The following SLC12A7 variants were observed in gnomAD, a reference collection of about 807,000 sequenced individuals.
The protein encoded by SLC12A7 is K-Cl cotransporter 4.
In SLC12A7, 100 loss-of-function variants were observed where a neutral mutation model predicts 120.6. The ratio of observed to expected loss-of-function variants is 0.83; its 90% CI spans 0.71 to 0.98. The LOEUF is 0.98. Among genes scored for constraint, SLC12A7 ranks in the 50% least tolerant of loss-of-function variants. The probability of loss-of-function intolerance (pLI) is 0.00; values close to 1 mark genes in which losing one functional copy is unlikely to be tolerated. For synonymous variants in SLC12A7, 760 were observed against 678.0 expected (o/e 1.12, Z -1.88); for missense variants, 1,373 against 1,548.1 (o/e 0.89, Z 1.90).
the SLC12A7 span, among the ~76,000 whole-genome samples, chr5:1,122,412 A>G: frequency 4.6e-5 from 7 of 152,268 alleles, no homozygotes; most frequent in Non-Finnish European, 1.0e-4. Flanking sequence ...ACCAGCTCAG[A>G]TAACTGGTAA....
intron 1 of SLC12A7, among the ~76,000 whole-genome samples, chr5:1,095,328 C>A (rs1477788300): frequency 6.6e-6 from 1 of 152,226 alleles, no homozygotes; most frequent in Non-Finnish European, 1.5e-5. Context: ...ACTGCAGAGA[C>A]CACAGCCTGC....
the SLC12A7 span, among the ~76,000 whole-genome samples, chr5:1,135,904 G>A: frequency 6.6e-6 from 1 of 152,102 alleles, no homozygotes; most frequent in Non-Finnish European, 1.5e-5. Context: ...CGCACTCCCC[G>A]TTTCCCTCAA....
chr5:1,155,365 C>CCGT, the SLC12A7 span, among the ~76,000 whole-genome samples: 1 of 152,186 alleles, frequency 6.6e-6, no homozygotes, highest in Non-Finnish European at 1.5e-5. Context: ...CGAAGTGACC[C>CCGT]CGTCTGGACT....
chr5:1,111,600 T>C (rs1382448906), intron 1 of SLC12A7, among the ~76,000 whole-genome samples: 3 of 152,058 alleles, frequency 2.0e-5, no homozygotes, highest in Non-Finnish European at 4.4e-5. Context: ...CCCGTTTCCA[T>C]GGCTACCAGC....
chr5:1,077,415 G>A (rs367916751), intron 12 of SLC12A7, among the ~76,000 whole-genome samples: 2 of 152,192 alleles, frequency 1.3e-5, no homozygotes, highest in Admixed American at 6.5e-5. Context: ...CCATGCGGGC[G>A]TCCGTGCAAT....
At chr5:1,131,606 G>A in the SLC12A7 span, among the ~76,000 whole-genome samples, 8 of 152,286 alleles carry the variant, frequency 5.3e-5, no homozygotes, top group East Asian at 5.8e-4. Flanking sequence ...TGACCTCTCC[G>A]GGTCCCTAAC....
At chr5:1,082,420 C>T (rs1484619377) in intron 8 of SLC12A7, among the ~76,000 whole-genome samples, 15 of 127,728 alleles carry the variant, frequency 1.2e-4, no homozygotes, top group African/African-American at 4.3e-4. Context: ...TTCTGGAAAG[C>T]CTGGGCTTCC....
At chr5:1,083,535 G>C (rs1319718867) in intron 8 of SLC12A7, among the ~76,000 whole-genome samples, 1 of 152,212 alleles carries the variant, frequency 6.6e-6, no homozygotes, top group Non-Finnish European at 1.5e-5. Context: ...GACGGAGGCT[G>C]TCTCCCTGCC....
At chr5:1,096,183 A>T (rs1241967111) in intron 1 of SLC12A7, among the ~76,000 whole-genome samples, 1 of 152,192 alleles carries the variant, frequency 6.6e-6, no homozygotes, top group Non-Finnish European at 1.5e-5. Context: ...TTTAGGAAAT[A>T]CGCCTGTGAG....
chr5:1,110,960 G>A (rs1292439268), intron 1 of SLC12A7, among the ~76,000 whole-genome samples: 1 of 152,248 alleles, frequency 6.6e-6, no homozygotes, highest in African/African-American at 2.4e-5. Flanking sequence ...GAAGGATCTG[G>A]GGTCTGGCAC....
At chr5:1,092,303 G>A (rs960072026) in intron 3 of SLC12A7, among the ~76,000 whole-genome samples, 6 of 152,238 alleles carry the variant, frequency 3.9e-5, no homozygotes, top group Non-Finnish European at 8.8e-5. Flanking sequence ...CAGGGGTGGC[G>A]TCGACGCAAA....
At chr5:1,142,058 G>C in the SLC12A7 span, among the ~76,000 whole-genome samples, 7 of 152,122 alleles carry the variant, frequency 4.6e-5, no homozygotes, top group Non-Finnish European at 8.8e-5. Flanking sequence ...TCTGGTGCTA[G>C]AGGCGGGGCA....
Position 1,081,764 on chromosome 5 carries a change from C to A in SLC12A7, c.1130-20G>T. ...GGTTCTCTGCCGGGCAAGGAAGATC[C>A]CATGGGTTTCTGGCACCTTCTGTGC... On this transcript the variant is annotated intron_variant, in intron 8 of 23. Coordinates refer to ENST00000264930, the MANE Select transcript of SLC12A7 (RefSeq NM_006598.3). 6.2e-7 allele frequency: 1 copy of A among 1,603,616 alleles called. No individual in the cohort carries two copies. The highest frequency in any genetic ancestry group is 2.2e-5 in the East Asian group (1 of 44,614).
intron 1 of SLC12A7, among the ~76,000 whole-genome samples, chr5:1,110,054 C>T (rs1742877820): frequency 6.6e-6 from 1 of 152,242 alleles, no homozygotes; most frequent in East Asian, 1.9e-4. Flanking sequence ...GTGCCCATCA[C>T]GGGACTCCTC....
At chr5:1,146,271 A>C in the SLC12A7 span, among the ~76,000 whole-genome samples, 1 of 152,182 alleles carries the variant, frequency 6.6e-6, no homozygotes, top group Non-Finnish European at 1.5e-5. This position sits in a 1 kb window ranked among gnomAD's most constrained non-coding sequence, Gnocchi z 6.5. Flanking sequence ...ACCTGCCAGC[A>C]GGTGGGCTTT....
At chr5:1,143,126 G>T in the SLC12A7 span, among the ~76,000 whole-genome samples, 2 of 152,160 alleles carry the variant, frequency 1.3e-5, no homozygotes, top group Admixed American at 6.5e-5. Flanking sequence ...CCCTCCATCC[G>T]CAGGGTCAGA....
chr5:1,116,340 C>T (rs1190910749), upstream of SLC12A7, among the ~76,000 whole-genome samples: 2 of 152,292 alleles, frequency 1.3e-5, no homozygotes, highest in African/African-American at 4.8e-5. Context: ...CCTGGCCTGG[C>T]GCTGGGGAGC....
chr5:1,084,060 C>A, intron 7 of SLC12A7, 104 bp from the exon 8 acceptor site: 1 of 919,456 alleles, frequency 1.1e-6, no homozygotes, highest in Admixed American at 2.1e-5. Flanking sequence ...CCGCGAGTGG[C>A]TCCTGGCACC....
the SLC12A7 span, among the ~76,000 whole-genome samples, chr5:1,146,643 A>G: frequency 6.6e-6 from 1 of 152,150 alleles, no homozygotes; most frequent in Non-Finnish European, 1.5e-5. This position sits in a 1 kb window ranked among gnomAD's most constrained non-coding sequence, Gnocchi z 6.5. Context: ...GACCAGCAGT[A>G]ACATCAACAC....
Sources: gnomAD v4.1 joint callset for allele counts (sites outside exome capture counted in the v4.1 genomes callset) on GRCh38, gnomAD v4.1.1 for gene constraint, Gnocchi (gnomAD v3.1) non-coding constraint, MANE v1.5 for transcripts, NCBI Gene and HGNC (gene_info 2026-07-23, HGNC 2026-07-21) for gene names.